The following ASTN2 variants were observed in gnomAD, a reference collection of about 807,000 sequenced individuals.
The protein encoded by ASTN2 is astrotactin 2.
A neutral mutation model predicts 139.8 loss-of-function variants in ASTN2; 54 were observed. That is an observed-to-expected ratio of 0.39 (90% CI 0.31 to 0.48). The LOEUF is 0.48. Ranked by LOEUF, ASTN2 falls within the 20% of genes least tolerant of loss-of-function variation. The pLI, the probability that ASTN2 is intolerant of heterozygous loss-of-function variation, is 0.95. For missense variants in ASTN2, 1,565 were observed against 1,725.1 expected, an observed-to-expected ratio of 0.91 and a Z score of 1.64; for synonymous variants, 756 against 719.5, an observed-to-expected ratio of 1.05 and a Z score of -0.81.
chr9:117,188,236 A>C (rs1456278291), intron 3 of ASTN2, among the ~76,000 whole-genome samples: 3 of 151,894 alleles, frequency 2.0e-5, no homozygotes, highest in Admixed American at 1.3e-4. Context: ...ATCCTGGTTG[A>C]AAGTGACTAG....
At chr9:117,181,016 G>A in intron 3 of ASTN2, 2 of 1,588,732 alleles carry the variant, frequency 1.3e-6, no homozygotes, top group Middle Eastern at 4.1e-4. Flanking sequence ...CCTGTTTGGA[G>A]CCTGCACTGG....
chr9:116,534,148 T>C (rs1564349831), intron 19 of ASTN2, among the ~76,000 whole-genome samples: 1 of 152,220 alleles, frequency 6.6e-6, no homozygotes, highest in Non-Finnish European at 1.5e-5. Context: ...CTTATCTGTG[T>C]AGAGTTGTCT....
chr9:117,227,292 TTTATTATA>T (rs1340536430), intron 2 of ASTN2, among the ~76,000 whole-genome samples: 1 of 152,248 alleles, frequency 6.6e-6, no homozygotes, highest in Non-Finnish European at 1.5e-5. Flanking sequence ...ATCTCTCACT[TTTATTATA>T]TTACACACTA....
chr9:117,378,445 C>G (rs1019534547), intron 1 of ASTN2, among the ~76,000 whole-genome samples: 3 of 152,188 alleles, frequency 2.0e-5, no homozygotes, highest in African/African-American at 7.2e-5. Flanking sequence ...TGGCCTGTGG[C>G]CTCGGCCAAG....
intron 20 of ASTN2, among the ~76,000 whole-genome samples, chr9:116,454,243 A>T (rs1588074250): frequency 1.3e-5 from 2 of 152,220 alleles, no homozygotes; most frequent in East Asian, 3.8e-4. Context: ...AACTAACCAT[A>T]CTGAACAACT....
At chr9:117,339,818 G>C (rs998543265) in intron 1 of ASTN2, among the ~76,000 whole-genome samples, 10 of 151,358 alleles carry the variant, frequency 6.6e-5, no homozygotes, top group Non-Finnish European at 1.3e-4. Flanking sequence ...AGCTATTCTG[G>C]CAAGAGACTC....
At chr9:116,862,386 A>G (rs1181327201) in intron 11 of ASTN2, among the ~76,000 whole-genome samples, 1 of 152,156 alleles carries the variant, frequency 6.6e-6, no homozygotes. Context: ...AGAAACATAA[A>G]CTGAAAAACC....
intron 17 of ASTN2, among the ~76,000 whole-genome samples, chr9:116,625,042 C>G (rs1251026028): frequency 1.3e-5 from 2 of 152,118 alleles, no homozygotes; most frequent in Non-Finnish European, 2.9e-5. Context: ...GTTTGTGATC[C>G]TCTTCTTCCC....
chr9:117,046,824 A>G (rs2132661114), intron 5 of ASTN2, among the ~76,000 whole-genome samples: 1 of 152,350 alleles, frequency 6.6e-6, no homozygotes, highest in Middle Eastern at 3.4e-3. Context: ...CTCAATAAAC[A>G]TCTATTGAAT....
chr9:117,127,733 T>G (rs1202723065), intron 4 of ASTN2, among the ~76,000 whole-genome samples: 1 of 129,764 alleles, frequency 7.7e-6, no homozygotes, highest in Non-Finnish European at 1.5e-5. Context: ...CAGGCTGGAG[T>G]GCAGTGGCAC....
At chr9:116,477,249 C>T (rs546303461) in intron 20 of ASTN2, among the ~76,000 whole-genome samples, 29 of 152,248 alleles carry the variant, frequency 1.9e-4, no homozygotes, top group South Asian at 6.2e-4. Flanking sequence ...TTGGGATGCA[C>T]GGCTGTATTT....
intron 7 of ASTN2, among the ~76,000 whole-genome samples, chr9:116,998,201 G>A (rs1364661192): frequency 6.6e-6 from 1 of 152,172 alleles, no homozygotes; most frequent in Non-Finnish European, 1.5e-5. Flanking sequence ...TGACAAATGA[G>A]TGGTGAGGTG....
intron 11 of ASTN2, among the ~76,000 whole-genome samples, chr9:116,853,763 A>G (rs1536428): frequency 0.59 from 89,979 of 152,052 alleles, 27,103 homozygotes; most frequent in Middle Eastern, 0.79. Flanking sequence ...GAAAAAATCC[A>G]TCCCACACCT....
chr9:116,971,586 A>G (rs1408187729), intron 10 of ASTN2, among the ~76,000 whole-genome samples: 1 of 152,184 alleles, frequency 6.6e-6, no homozygotes, highest in Non-Finnish European at 1.5e-5. Flanking sequence ...GACTCATTTA[A>G]GTCTTCCTCA....
intron 2 of ASTN2, among the ~76,000 whole-genome samples, chr9:117,216,331 T>C (rs1029189041): frequency 2.0e-4 from 31 of 152,252 alleles, no homozygotes; most frequent in Admixed American, 7.2e-4. Flanking sequence ...GGGGACTGGG[T>C]GGATAAGAGG....
intron 16 of ASTN2, among the ~76,000 whole-genome samples, chr9:116,660,205 T>C (rs1588153819): frequency 1.0e-5 from 1 of 100,318 alleles, no homozygotes; most frequent in Non-Finnish European, 2.3e-5. Context: ...CACACACACA[T>C]TTGGGGAATG....
chr9:117,368,858 G>A (rs565473803), intron 1 of ASTN2, among the ~76,000 whole-genome samples: 2 of 152,298 alleles, frequency 1.3e-5, no homozygotes, highest in South Asian at 2.1e-4. Flanking sequence ...CTTTAACACA[G>A]TATGAAGAAC....
At chr9:117,409,724 C>T (rs1416947) in intron 1 of ASTN2, among the ~76,000 whole-genome samples, 19,440 of 152,188 alleles carry the variant, frequency 0.13, 1,316 homozygotes, top group Admixed American at 0.18. Flanking sequence ...AAGCCTCAAA[C>T]TCCTGGGCAT....
At chr9:116,824,367 T>C (rs941076941) in intron 11 of ASTN2, among the ~76,000 whole-genome samples, 2 of 113,244 alleles carry the variant, frequency 1.8e-5, no homozygotes, top group African/African-American at 6.6e-5. Context: ...AGAGAGATCT[T>C]TCTCTCCCTC....
Sources: allele counts gnomAD v4.1 joint callset (sites outside exome capture counted in the v4.1 genomes callset), GRCh38; gene constraint gnomAD v4.1.1; transcripts MANE v1.5; gene names NCBI Gene and HGNC (gene_info 2026-07-23, HGNC 2026-07-21).